Variants in HS3ST3A1 observed in about 807,000 individuals in gnomAD.
HS3ST3A1 encodes heparan sulfate-glucosamine 3-sulfotransferase 3A1, also known as heparan sulfate glucosamine 3-O-sulfotransferase 3A1.
A neutral mutation model predicts 25.7 loss-of-function variants in HS3ST3A1; 19 were observed. That is an observed-to-expected ratio of 0.74 (90% CI 0.52 to 1.08). HS3ST3A1 has a LOEUF of 1.08. Ranked by LOEUF, HS3ST3A1 falls within the 50% of genes least tolerant of loss-of-function variation. The pLI, the probability that HS3ST3A1 is intolerant of heterozygous loss-of-function variation, is 0.00. For synonymous variants in HS3ST3A1, 226 were observed against 278.6 expected (o/e 0.81, Z 1.88); for missense variants, 459 against 594.3 (o/e 0.77, Z 2.37).
At position 13,514,095 on chromosome 17, in the gene HS3ST3A1, A is replaced by G. The variant is rs9891702; in HGVS notation, c.600-17277T>C. On this transcript the variant is annotated intron_variant, in intron 1 of 1. Coordinates refer to ENST00000284110, the MANE Select transcript of HS3ST3A1 (RefSeq NM_006042.3). ...TATCAAGATTATGATTTTCAAAGAC[A>G]TTTTTTGGTTATGTATGTTTTGTCT... 4.2e-3 allele frequency among the ~76,000 whole-genome samples: 640 copies of G among 152,018 alleles called. 4 individuals are homozygous for G. The highest frequency in any genetic ancestry group is 0.015 in the African/African-American group (606 of 41,524).
chr17:13,522,206 T>C (rs1461336900), intron 1 of HS3ST3A1, among the ~76,000 whole-genome samples: 1 of 150,846 alleles, frequency 6.6e-6, no homozygotes, highest in African/African-American at 2.4e-5. Context: ...TGTATGTATA[T>C]GCAGATAAAT....
At chr17:13,551,340 T>A (rs1273564803) in intron 1 of HS3ST3A1, among the ~76,000 whole-genome samples, 4 of 146,044 alleles carry the variant, frequency 2.7e-5, no homozygotes, top group South Asian at 2.2e-4. Context: ...ACGGAGAGAC[T>A]CCATCTCAAT....
At chr17:13,527,317 GA>G (rs559346843) in intron 1 of HS3ST3A1, among the ~76,000 whole-genome samples, 11 of 152,146 alleles carry the variant, frequency 7.2e-5, no homozygotes, top group Non-Finnish European at 1.5e-4. Flanking sequence ...GCATTAAAAA[GA>G]AAAAGAGATA....
intron 1 of HS3ST3A1, among the ~76,000 whole-genome samples, chr17:13,502,549 A>C (rs1905514369): frequency 6.6e-6 from 1 of 152,112 alleles, no homozygotes; most frequent in Non-Finnish European, 1.5e-5. Flanking sequence ...TTTGCCCTGA[A>C]TTCTCATTGC....
chr17:13,507,906 C>T (rs1598408611), intron 1 of HS3ST3A1, among the ~76,000 whole-genome samples: 1 of 152,284 alleles, frequency 6.6e-6, no homozygotes, highest in East Asian at 1.9e-4. Flanking sequence ...GCTCGCCATC[C>T]CTTGGGCCGA....
intron 1 of HS3ST3A1, among the ~76,000 whole-genome samples, chr17:13,590,893 G>A (rs1287392028): frequency 6.7e-6 from 1 of 148,186 alleles, no homozygotes; most frequent in African/African-American, 2.5e-5. Flanking sequence ...CAAGGTTCCG[G>A]GAGAGCACTG....
chr17:13,498,561 T>G lies in HS3ST3A1; in HGVS notation c.600-1743A>C, dbSNP rs575877270. Reference sequence around the variant, plus strand: ...AAGAAATTATCTGACCTATCCCGTTTGACTGTAGGTCATAAGACCTTCATT... The same window carrying G: ...AAGAAATTATCTGACCTATCCCGTTGGACTGTAGGTCATAAGACCTTCATT... On this transcript the variant is annotated intron_variant, in intron 1 of 1. Coordinates refer to ENST00000284110, the MANE Select transcript of HS3ST3A1 (RefSeq NM_006042.3). 2.6e-5 allele frequency among the ~76,000 whole-genome samples: 4 copies of G among 152,274 alleles called. No homozygotes were observed. The South Asian group carries it at 8.3e-4, about 32-fold the overall frequency.
intron 1 of HS3ST3A1, among the ~76,000 whole-genome samples, chr17:13,568,301 T>G (rs1397739202): frequency 6.6e-6 from 1 of 152,268 alleles, no homozygotes. Flanking sequence ...ACATAACTTT[T>G]ATACACACTG....
At chr17:13,556,416 G>A (rs1015016406) in intron 1 of HS3ST3A1, among the ~76,000 whole-genome samples, 5 of 152,022 alleles carry the variant, frequency 3.3e-5, no homozygotes, top group Admixed American at 2.6e-4. Flanking sequence ...GCTGAGGCAG[G>A]GGAATGGTGT....
At chr17:13,556,789 T>C (rs533423699) in intron 1 of HS3ST3A1, among the ~76,000 whole-genome samples, 1 of 150,284 alleles carries the variant, frequency 6.7e-6, no homozygotes, top group Non-Finnish European at 1.5e-5. Context: ...AAGGCAGAGG[T>C]TGCAGGGAGC....
At chr17:13,537,065 A>C (rs965858505) in intron 1 of HS3ST3A1, among the ~76,000 whole-genome samples, 1 of 152,138 alleles carries the variant, frequency 6.6e-6, no homozygotes, top group Non-Finnish European at 1.5e-5. Flanking sequence ...GTATGGTGTC[A>C]ACTTTGTGCT....
At chr17:13,584,151 A>G (rs1327120116) in intron 1 of HS3ST3A1, among the ~76,000 whole-genome samples, 2 of 152,322 alleles carry the variant, frequency 1.3e-5, no homozygotes, top group South Asian at 4.1e-4. Context: ...GAAAAACCAT[A>G]AGGTATTTAA....
At chr17:13,541,572 G>A (rs1402094996) in intron 1 of HS3ST3A1, among the ~76,000 whole-genome samples, 4 of 152,104 alleles carry the variant, frequency 2.6e-5, no homozygotes, top group Non-Finnish European at 5.9e-5. Context: ...GATTTGAGAG[G>A]GTGGTTATTC....
chr17:13,540,504 A>G lies in HS3ST3A1; in HGVS notation c.600-43686T>C, dbSNP rs11872064. 5.4e-3 allele frequency among the ~76,000 whole-genome samples: 816 copies of G among 152,356 alleles called. 7 individuals carry two copies. The highest frequency in any genetic ancestry group is 0.019 in the African/African-American group (782 of 41,592). ...GACTAAAAATGCATGCTCAATTGATAAAATGTACCTTTTTCCAGTAGTTTA... is the reference window on the plus strand; with the variant it reads ...GACTAAAAATGCATGCTCAATTGATGAAATGTACCTTTTTCCAGTAGTTTA... On this transcript the variant is annotated intron_variant, in intron 1 of 1. Coordinates refer to ENST00000284110, the MANE Select transcript of HS3ST3A1 (RefSeq NM_006042.3).
intron 1 of HS3ST3A1, among the ~76,000 whole-genome samples, chr17:13,522,407 C>G (rs761152576): frequency 2.6e-4 from 40 of 152,164 alleles, no homozygotes; most frequent in Admixed American, 7.2e-4. Context: ...GGTTTTCTTT[C>G]AACAACTAAT....
intron 1 of HS3ST3A1, among the ~76,000 whole-genome samples, chr17:13,527,074 A>G (rs1030355221): frequency 3.9e-5 from 6 of 152,046 alleles, no homozygotes; most frequent in African/African-American, 1.2e-4. Flanking sequence ...GCCCCAAACA[A>G]CCTACCTGCT....
chr17:13,579,872 T>C (rs1362576677), intron 1 of HS3ST3A1, among the ~76,000 whole-genome samples: 16 of 139,978 alleles, frequency 1.1e-4, no homozygotes, highest in Non-Finnish European at 1.7e-4. Context: ...TTCGGGAGCC[T>C]GGGAGGCAGA....
At chr17:13,543,742 CTG>C (rs1491123609) in intron 1 of HS3ST3A1, 1 of 153,926 alleles carries the variant, frequency 6.5e-6, no homozygotes, top group Admixed American at 6.5e-5. Flanking sequence ...GAATTTTTAA[CTG>C]TTAAAGCTTT....
intron 1 of HS3ST3A1, among the ~76,000 whole-genome samples, chr17:13,584,694 A>G (rs1427051645): frequency 1.3e-5 from 2 of 152,242 alleles, no homozygotes; most frequent in Admixed American, 6.5e-5. Flanking sequence ...CAGGGCATAT[A>G]GGTGCAGTAA....
Sources: allele counts gnomAD v4.1 joint callset (sites outside exome capture counted in the v4.1 genomes callset), GRCh38; gene constraint gnomAD v4.1.1; transcripts MANE v1.5; gene names NCBI Gene and HGNC (gene_info 2026-07-23, HGNC 2026-07-21).